The following PIBF1 variants were observed in gnomAD, a reference collection of about 807,000 sequenced individuals.
The protein encoded by PIBF1 is progesterone-induced-blocking factor 1.
PIBF1 carries 90 observed loss-of-function variants against 112.5 expected under a neutral mutation model. That is an observed-to-expected ratio of 0.80 (90% CI 0.67 to 0.95). The LOEUF (loss-of-function observed/expected upper bound fraction) is 0.95. Among genes scored for constraint, PIBF1 ranks in the 40% least tolerant of loss-of-function variants. PIBF1 has a pLI of 0.00. For missense variants in PIBF1, 915 were observed against 852.3 expected (o/e 1.07, Z -0.92); for synonymous variants, 301 against 288.6 (o/e 1.04, Z -0.44).
At chr13:72,826,964 A>C in intron 6 of PIBF1, 46 bp from the exon 7 acceptor site, 2 of 1,160,248 alleles carry the variant, frequency 1.7e-6, no homozygotes, top group Non-Finnish European at 2.5e-6. Context: ...TACGCTGTAC[A>C]AGGGGATGTA....
chr13:72,802,717 G>T (rs548178145), intron 5 of PIBF1, among the ~76,000 whole-genome samples: 1 of 152,240 alleles, frequency 6.6e-6, no homozygotes, highest in Non-Finnish European at 1.5e-5. Context: ...AAGGTATGTG[G>T]ATATACAGGT....
intron 16 of PIBF1, among the ~76,000 whole-genome samples, chr13:72,978,629 C>T (rs2043082343): frequency 6.6e-6 from 1 of 151,946 alleles, no homozygotes; most frequent in African/African-American, 2.4e-5. Context: ...ATATCTTATC[C>T]AGGTGTTATA....
At chr13:72,912,582 TA>T (rs2040929839) in intron 12 of PIBF1, among the ~76,000 whole-genome samples, 1 of 152,154 alleles carries the variant, frequency 6.6e-6, no homozygotes, top group African/African-American at 2.4e-5. Flanking sequence ...TTAAACAACC[TA>T]ATCAGTGATC....
chr13:72,787,653 C>CT (rs1196210441), intron 2 of PIBF1, among the ~76,000 whole-genome samples: 10 of 151,436 alleles, frequency 6.6e-5, no homozygotes, highest in Admixed American at 5.3e-4. Context: ...CTGCCATATA[C>CT]TTTTTTTTTC....
chr13:72,864,785 A>G (rs542708787), intron 10 of PIBF1, among the ~76,000 whole-genome samples: 1 of 152,344 alleles, frequency 6.6e-6, no homozygotes, highest in East Asian at 1.9e-4. Context: ...AGTCCAGAGA[A>G]TTACCACAGA....
At chr13:72,954,499 A>G (rs2042386687) in intron 14 of PIBF1, among the ~76,000 whole-genome samples, 1 of 152,268 alleles carries the variant, frequency 6.6e-6, no homozygotes, top group Non-Finnish European at 1.5e-5. Context: ...AGGTAGGATC[A>G]GGAATGGCTT....
At chr13:72,832,304 A>G (rs1343092950) in intron 8 of PIBF1, among the ~76,000 whole-genome samples, 1 of 151,986 alleles carries the variant, frequency 6.6e-6, no homozygotes, top group Non-Finnish European at 1.5e-5. Context: ...TGATCCGGTC[A>G]TTATGATGCT....
In PIBF1 at chr13:72,835,217, TG is replaced by T. The variant is rs1357943883; in HGVS notation, c.1098-24del. On this transcript the variant is annotated intron_variant, in intron 8 of 17. Transcript: ENST00000326291. Reference sequence around the variant, plus strand: ...CCTATTTGTTTCAAAAGAAAATTTATGGTTGTTCCTTTTCACTCCTTGCAGA... The same window carrying T: ...CCTATTTGTTTCAAAAGAAAATTTATGTTGTTCCTTTTCACTCCTTGCAGA... The T allele has an allele frequency of 2.6e-6, 4 of 1,511,332 alleles. No individual in the cohort carries two copies. The African/African-American group carries it at 5.7e-5, about 22-fold the overall frequency. 93.6% of individuals were successfully genotyped at this position (1,511,332 alleles called of 1,614,324 possible).
intron 10 of PIBF1, among the ~76,000 whole-genome samples, chr13:72,859,682 GT>G (rs1423261102): frequency 7.9e-5 from 12 of 152,116 alleles, no homozygotes; most frequent in African/African-American, 2.9e-4. Flanking sequence ...AAAACCTATG[GT>G]TTATAGGTTT....
chr13:72,909,081 G>T (rs1056838531), intron 12 of PIBF1, among the ~76,000 whole-genome samples: 1 of 151,864 alleles, frequency 6.6e-6, no homozygotes, highest in Non-Finnish European at 1.5e-5. Flanking sequence ...AACTACTTCG[G>T]TATATTTTCT....
At chr13:72,924,983 C>T (rs1184378121) in intron 13 of PIBF1, among the ~76,000 whole-genome samples, 2 of 152,130 alleles carry the variant, frequency 1.3e-5, no homozygotes, top group South Asian at 2.1e-4. Context: ...AATCTTCAGA[C>T]TGGAGGACCA....
At chr13:72,999,623 A>G (rs933632492) in intron 17 of PIBF1, among the ~76,000 whole-genome samples, 2 of 152,238 alleles carry the variant, frequency 1.3e-5, no homozygotes, top group African/African-American at 4.8e-5. Context: ...CAAGTTGAAT[A>G]TAATAGTCAA....
intron 10 of PIBF1, among the ~76,000 whole-genome samples, chr13:72,886,812 A>G (rs577327061): frequency 1.3e-5 from 2 of 152,232 alleles, no homozygotes; most frequent in East Asian, 1.9e-4. Context: ...TGACAGATGT[A>G]GTATTGCAGC....
intron 4 of PIBF1, among the ~76,000 whole-genome samples, 161 bp downstream of exon 4, chr13:72,795,718 A>G (rs2035161064): frequency 6.6e-6 from 1 of 152,222 alleles, no homozygotes; most frequent in Non-Finnish European, 1.5e-5. Flanking sequence ...GATCATGACC[A>G]TTGATCTCCA....
chr13:73,013,158 G>A (rs926117816), intron 17 of PIBF1, among the ~76,000 whole-genome samples: 41 of 150,558 alleles, frequency 2.7e-4, no homozygotes, highest in South Asian at 6.3e-4. Flanking sequence ...AAAATTAGCC[G>A]GGCGTGGTGG....
chr13:72,825,902 A>G (rs1247407940), intron 6 of PIBF1, among the ~76,000 whole-genome samples: 1 of 148,124 alleles, frequency 6.8e-6, no homozygotes, highest in African/African-American at 2.5e-5. Flanking sequence ...CGTCTTTACA[A>G]AAAAAAAAAA....
intron 10 of PIBF1, among the ~76,000 whole-genome samples, chr13:72,864,758 A>G (rs1482500843): frequency 2.6e-5 from 4 of 152,190 alleles, no homozygotes; most frequent in African/African-American, 9.6e-5. Context: ...TTAAAATATG[A>G]TGTTTACTGG....
At chr13:72,900,945 C>T (rs1340298500) in intron 11 of PIBF1, 1 of 285,724 alleles carries the variant, frequency 3.5e-6, no homozygotes. Context: ...TCTCTTGAAC[C>T]CGGGAGGCGT....
In PIBF1 at chr13:72,821,946, G is replaced by T; in HGVS notation, c.770G>T (p.Gly257Val). Reference sequence around the variant, plus strand: ...GACACAAAACAGTTAATTCAGCAAGGTGACTACCGTCAAGAGAACTATGAT... The same window carrying T: ...GACACAAAACAGTTAATTCAGCAAGTTGACTACCGTCAAGAGAACTATGAT... Reference protein sequence around the residue: ...LADTKQLIQQGDYRQENYDKV... With the variant: ...LADTKQLIQQVDYRQENYDKV... Residue 257 changes from glycine to valine, a missense_variant, in exon 6 of 18, where the codon GGT becomes GTT. Gly to Val is a moderately radical substitution (Grantham distance 109). Transcript: ENST00000326291. 6.2e-7 allele frequency: 1 copy of T among 1,612,574 alleles called. No individual in the cohort carries two copies. Among genetic ancestry groups the T allele is most frequent in the Non-Finnish European group, 8.5e-7 (1 of 1,179,194 alleles).
Sources: allele counts gnomAD v4.1 joint callset (sites outside exome capture counted in the v4.1 genomes callset), GRCh38; gene constraint gnomAD v4.1.1; transcripts MANE v1.5; gene names NCBI Gene and HGNC (gene_info 2026-07-23, HGNC 2026-07-21).